OR5P3: variants seen among roughly 807,000 people sequenced by gnomAD.
OR5P3 encodes olfactory receptor 5P3.
For synonymous variants in OR5P3, 172 were observed against 141.8 expected, an observed-to-expected ratio of 1.21 and a Z score of -1.51; for missense variants, 415 against 375.6, an observed-to-expected ratio of 1.10 and a Z score of -0.87.
Position 7,830,165 on chromosome 11 carries a change from G to A in OR5P3, c.-22+659C>T, listed in dbSNP as rs184696174. On this transcript the variant is annotated intron_variant, in intron 1 of 1. Coordinates refer to ENST00000641167, the MANE Select transcript of OR5P3 (RefSeq NM_153445.2). ...CTGAACGCTCTTGCACACATGCACTGCTGTCTCTTTCTCTCTCTCACACAC... is the reference window on the plus strand; with the variant it reads ...CTGAACGCTCTTGCACACATGCACTACTGTCTCTTTCTCTCTCTCACACAC... Among the ~76,000 whole-genome samples, 180 of 152,242 alleles carry A rather than the reference G, an allele frequency of 1.2e-3. No homozygotes were observed. The Middle Eastern group carries it at 0.024, about 20-fold the overall frequency.
chr11:7,829,121 A>C (rs1857779472), intron 1 of OR5P3, among the ~76,000 whole-genome samples: 1 of 152,144 alleles, frequency 6.6e-6, no homozygotes, highest in Non-Finnish European at 1.5e-5. Context: ...GGGTCTCATG[A>C]CTTTATGAAA....
Position 7,825,521 on chromosome 11 carries a change from C to A in OR5P3, c.452G>T (p.Gly151Val). The A allele has an allele frequency of 6.2e-7, 1 of 1,613,272 alleles. No individual in the cohort carries two copies. The highest frequency in any genetic ancestry group is 8.5e-7 in the Non-Finnish European group (1 of 1,180,038). The change falls in exon 2 of 2, where the codon GGT becomes GTT. Residue 151 changes from glycine to valine, a missense_variant. Gly to Val is a moderately radical substitution (Grantham distance 109). Transcript: ENST00000641167. ...CIILVGMSYL[G>V]GCVNAWTFIG... The stretch of plus-strand genomic sequence containing the variant: ...GAATGTCCAAGCATTCACACATCCA[C>A]CCAGGTAGGACATGCCCACTAAGAT...
At chr11:7,828,532 T>C (rs1053117846) in intron 1 of OR5P3, among the ~76,000 whole-genome samples, 4 of 152,212 alleles carry the variant, frequency 2.6e-5, no homozygotes, top group Admixed American at 1.3e-4. Flanking sequence ...GTTGTGAAGA[T>C]TGTGAGGAAG....
At position 7,825,790 on chromosome 11, in the gene OR5P3, A is replaced by T. The variant is rs1589931357; in HGVS notation, c.183T>A (p.Ile61=). The change falls in exon 2 of 2, where the codon ATT becomes ATA. Residue 61 remains isoleucine (I), a synonymous_variant. Coordinates refer to ENST00000641167, the MANE Select transcript of OR5P3 (RefSeq NM_153445.2). ...RSHHLHTPMY[I]FLCHLAFVDI... is the part of the protein sequence containing the mutation. The stretch of plus-strand genomic sequence containing the variant: ...CTACAAAGGCCAAATGGCAGAGGAA[A>T]ATGTACATGGGTGTATGAAGATGAT... The T allele has an allele frequency of 5.6e-6, 9 of 1,613,246 alleles. No homozygotes were observed. The highest frequency in any genetic ancestry group is 2.7e-5 in the African/African-American group (2 of 74,174).
At chr11:7,827,532 G>A (rs187460502) in intron 1 of OR5P3, among the ~76,000 whole-genome samples, 3 of 152,226 alleles carry the variant, frequency 2.0e-5, no homozygotes, top group Admixed American at 1.3e-4. Flanking sequence ...GTATATGCAA[G>A]GTAGAGAGTA....
At chr11:7,826,984 G>T (rs773512774) in intron 1 of OR5P3, among the ~76,000 whole-genome samples, 8 of 152,174 alleles carry the variant, frequency 5.3e-5, no homozygotes, top group Admixed American at 1.3e-4. Context: ...CTTTCTCACA[G>T]CTTCAAAAGG....
At chr11:7,826,545 G>A (rs2133493738) in intron 1 of OR5P3, among the ~76,000 whole-genome samples, 1 of 152,316 alleles carries the variant, frequency 6.6e-6, no homozygotes, top group South Asian at 2.1e-4. Flanking sequence ...TCCCCACCCA[G>A]AGATTTCACA....
chr11:7,825,996 G>A lies in OR5P3; in HGVS notation c.-21-3C>T. On this transcript the variant is annotated splice_region_variant and splice_polypyrimidine_tract_variant and intron_variant, in intron 1 of 1. Transcript: ENST00000641167. ...ATCTATATTGGGAATGGTGCCAACT[G>A]AAAGAAAAACAAATGAATATTATAA... 1 of 1,244,576 alleles carries A rather than the reference G, an allele frequency of 8.0e-7. No homozygotes were observed. The highest frequency in any genetic ancestry group is 1.1e-6 in the Non-Finnish European group (1 of 890,740). The allele number at this position is 1,244,576 out of a possible 1,614,324, so 77.1% of individuals were successfully genotyped here.
In OR5P3 at chr11:7,825,159, T is replaced by G; in HGVS notation, c.814A>C (p.Lys272Gln). The change falls in exon 2 of 2, where the codon AAG becomes CAG. Residue 272 changes from lysine (K) to glutamine (Q), a missense_variant. By Grantham distance (53) the Lys-to-Gln change is moderately conservative. Coordinates refer to ENST00000641167, the MANE Select transcript of OR5P3 (RefSeq NM_153445.2). ...PKSSYSTDQN[K>Q]VVSVFYTVVI... ...ACGGTGTAGAACACAGACACCACCT[T>G]GTTCTGGTCAGTTGAGTAGCTGGAC... 6.2e-7 allele frequency: 1 copy of G among 1,607,460 alleles called. No homozygotes were observed. The highest frequency in any genetic ancestry group is 8.5e-7 in the Non-Finnish European group (1 of 1,179,990).
At chr11:7,828,449 A>G (rs1224862949) in intron 1 of OR5P3, among the ~76,000 whole-genome samples, 1 of 152,164 alleles carries the variant, frequency 6.6e-6, no homozygotes, top group Non-Finnish European at 1.5e-5. Context: ...AATACACACA[A>G]TTGTCTAACA....
At chr11:7,830,494 T>C (rs762951564) in intron 1 of OR5P3, among the ~76,000 whole-genome samples, 9 of 152,206 alleles carry the variant, frequency 5.9e-5, no homozygotes, top group Non-Finnish European at 1.3e-4. Context: ...CATGCTATTA[T>C]GGCATGGAAG....
At chr11:7,827,969 A>G (rs370024626) in intron 1 of OR5P3, among the ~76,000 whole-genome samples, 3 of 152,300 alleles carry the variant, frequency 2.0e-5, no homozygotes, top group Admixed American at 1.3e-4. Flanking sequence ...GATGCTAGCC[A>G]GTTGATGACT....
chr11:7,830,378 T>C (rs1057234463), intron 1 of OR5P3, among the ~76,000 whole-genome samples: 3 of 152,216 alleles, frequency 2.0e-5, no homozygotes, highest in Admixed American at 2.0e-4. Context: ...CTATCTTCCT[T>C]ATCTTTGTAC....
At chr11:7,828,352 T>G (rs1450455892) in intron 1 of OR5P3, among the ~76,000 whole-genome samples, 1 of 152,188 alleles carries the variant, frequency 6.6e-6, no homozygotes, top group Non-Finnish European at 1.5e-5. Flanking sequence ...ACCTCTTGAT[T>G]CAAGAGAAGG....
chr11:7,830,464 G>C (rs1381077713), intron 1 of OR5P3, among the ~76,000 whole-genome samples: 1 of 152,140 alleles, frequency 6.6e-6, no homozygotes, highest in Non-Finnish European at 1.5e-5. Flanking sequence ...GTGTATAATA[G>C]AAATTCAGAG....
chr11:7,829,599 T>C (rs1380661208), intron 1 of OR5P3, among the ~76,000 whole-genome samples: 1 of 152,156 alleles, frequency 6.6e-6, no homozygotes, highest in African/African-American at 2.4e-5. Context: ...ATTCTAGGAT[T>C]CAGCATAGTA....
intron 1 of OR5P3, among the ~76,000 whole-genome samples, chr11:7,830,296 C>T (rs1033009271): frequency 2.6e-4 from 39 of 152,118 alleles, no homozygotes; most frequent in African/African-American, 8.2e-4. Context: ...AATAATTTCA[C>T]GTCTGAATTA....
In OR5P3 at chr11:7,825,033, T is replaced by G; in HGVS notation, c.*4A>C. 2 of 1,606,674 alleles carry G rather than the reference T, an allele frequency of 1.2e-6. No individual in the cohort carries two copies. Among genetic ancestry groups the G allele is most frequent in the Non-Finnish European group, 1.7e-6 (2 of 1,175,738 alleles). On this transcript the variant is annotated 3_prime_UTR_variant, in exon 2 of 2. Coordinates refer to ENST00000641167, the MANE Select transcript of OR5P3 (RefSeq NM_153445.2). ...TATCAGATTCTTCAAACTAACTAGT[T>G]TCATCAAGAAAATATTTTTATTCTA...
chr11:7,827,816 G>T (rs900662587), intron 1 of OR5P3, among the ~76,000 whole-genome samples: 10 of 152,142 alleles, frequency 6.6e-5, no homozygotes, highest in Admixed American at 2.6e-4. Flanking sequence ...AATTTTTTTT[G>T]AAGATATGTC....
Sources: allele counts gnomAD v4.1 joint callset (sites outside exome capture counted in the v4.1 genomes callset), GRCh38; gene constraint gnomAD v4.1.1; transcripts MANE v1.5; gene names NCBI Gene and HGNC (gene_info 2026-07-23, HGNC 2026-07-21).